DAB1: variants seen among roughly 807,000 people sequenced by gnomAD.
DAB1 encodes the protein DAB adaptor protein 1, also known as disabled homolog 1.
DAB1 carries 15 observed loss-of-function variants against 64.6 expected under a neutral mutation model. The ratio of observed to expected loss-of-function variants is 0.23; its 90% CI spans 0.16 to 0.36. The LOEUF is 0.36. Ranked by LOEUF, DAB1 falls within the 10% of genes least tolerant of loss-of-function variation. The pLI is 1.00. For synonymous variants in DAB1, 235 were observed against 251.9 expected, an observed-to-expected ratio of 0.93 and a Z score of 0.64; for missense variants, 596 against 706.7, an observed-to-expected ratio of 0.84 and a Z score of 1.78.
At chr1:58,347,271 C>T (rs1644010621) in intron 3 of DAB1, among the ~76,000 whole-genome samples, 1 of 152,158 alleles carries the variant, frequency 6.6e-6, no homozygotes, top group East Asian at 1.9e-4. Context: ...CCATGTCCGG[C>T]TAATTTTTTT....
chr1:58,251,610 AGAAG>A (rs1200424072), intron 4 of DAB1, among the ~76,000 whole-genome samples: 1 of 152,212 alleles, frequency 6.6e-6, no homozygotes, highest in Non-Finnish European at 1.5e-5. Context: ...TTTGAATAGC[AGAAG>A]GAAGGAAGTG....
In DAB1 at chr1:58,506,153, A is replaced by G. The variant is rs749524865; in HGVS notation, n.164T>C. 28 of 872,330 alleles carry G rather than the reference A, an allele frequency of 3.2e-5. 1 individual carries two copies. In the Admixed American group the frequency reaches 4.1e-4, roughly 13 times the overall value. 54.0% of individuals were successfully genotyped at this position (872,330 alleles called of 1,614,324 possible). On this transcript the variant is annotated non_coding_transcript_exon_variant, in exon 3 of 21. Transcript: ENST00000485760. ...GCATCTTGGGTTGGCCATGCAGGCT[A>G]TCAACGAACTCCATTTGCTGCCAAA...
chr1:57,129,637 A>C (rs553508), intron 4 of DAB1, among the ~76,000 whole-genome samples: 38,878 of 152,012 alleles, frequency 0.26, 6,942 homozygotes, highest in African/African-American at 0.51. Flanking sequence ...CAAGTCTAGG[A>C]TTTTGCAAAT....
chr1:58,317,220 C>T (rs1443668069), intron 4 of DAB1, among the ~76,000 whole-genome samples: 2 of 152,208 alleles, frequency 1.3e-5, no homozygotes, highest in African/African-American at 2.4e-5. Flanking sequence ...TCCACAATTC[C>T]ATGGGAGCTG....
At chr1:57,901,127 T>C (rs1644467326) in intron 5 of DAB1, among the ~76,000 whole-genome samples, 2 of 152,296 alleles carry the variant, frequency 1.3e-5, no homozygotes, top group Non-Finnish European at 2.9e-5. Flanking sequence ...AGCTGTTCAG[T>C]AGCAAGCCTG....
At chr1:57,644,396 C>A (rs1053921561) in intron 7 of DAB1, among the ~76,000 whole-genome samples, 1 of 152,188 alleles carries the variant, frequency 6.6e-6, no homozygotes, top group Non-Finnish European at 1.5e-5. Context: ...AAAAGGGAGT[C>A]ATAGAGGGAA....
chr1:58,373,621 C>G (rs540425227), intron 3 of DAB1, among the ~76,000 whole-genome samples: 1 of 151,934 alleles, frequency 6.6e-6, no homozygotes, highest in South Asian at 2.1e-4. Context: ...TGAATAATGC[C>G]GCAATAAACA....
intron 5 of DAB1, among the ~76,000 whole-genome samples, chr1:57,940,247 G>A (rs1202776): frequency 6.6e-6 from 1 of 151,920 alleles, no homozygotes; most frequent in East Asian, 1.9e-4. Context: ...CCATGATGCC[G>A]GCTGTATATT....
chr1:58,525,481 G>A (rs1646334960), intron 2 of DAB1, among the ~76,000 whole-genome samples: 2 of 151,962 alleles, frequency 1.3e-5, no homozygotes, highest in East Asian at 1.9e-4. Flanking sequence ...TATTTATCAT[G>A]ACATCAAACA....
intron 1 of DAB1, among the ~76,000 whole-genome samples, chr1:57,370,816 T>C (rs7540817): frequency 0.29 from 44,383 of 152,158 alleles, 6,785 homozygotes; most frequent in African/African-American, 0.33. Flanking sequence ...ATATTTTTTA[T>C]GGTCGTTTTA....
chr1:58,491,444 G>A (rs900012007), intron 3 of DAB1, among the ~76,000 whole-genome samples: 1 of 152,144 alleles, frequency 6.6e-6, no homozygotes, highest in Non-Finnish European at 1.5e-5. Flanking sequence ...TGGGCTAAAT[G>A]TTCCAATCAA....
rs76646909 is a variant in DAB1, at chr1:58,229,761, G to A, written n.310-79173C>T. The stretch of plus-strand genomic sequence containing the variant: ...AGCTTTTAATTTTACAGATGTGAAA[G>A]CTGAGCCTCCTGGAGAAGAGTAACT... On this transcript the variant is annotated intron_variant and non_coding_transcript_variant, in intron 4 of 20. Coordinates refer to the DAB1 transcript ENST00000485760. 8.6e-3 allele frequency among the ~76,000 whole-genome samples: 1,303 copies of A among 152,300 alleles called. 17 individuals carry two copies. Among genetic ancestry groups the A allele is most frequent in the African/African-American group, 0.029 (1,216 of 41,554 alleles).
At chr1:57,191,532 C>T (rs1454617737) in intron 2 of DAB1, among the ~76,000 whole-genome samples, 1 of 152,178 alleles carries the variant, frequency 6.6e-6, no homozygotes, top group Admixed American at 6.5e-5. Context: ...TTCTCCTCCT[C>T]TGTTGATGGC....
At chr1:57,480,448 T>C (rs537587823) in intron 7 of DAB1, among the ~76,000 whole-genome samples, 1 of 152,088 alleles carries the variant, frequency 6.6e-6, no homozygotes, top group Non-Finnish European at 1.5e-5. Context: ...AAGATTCTGA[T>C]ACCATTGGAT....
At chr1:58,177,465 G>A (rs1298154343) in intron 4 of DAB1, among the ~76,000 whole-genome samples, 2 of 152,288 alleles carry the variant, frequency 1.3e-5, no homozygotes, top group East Asian at 3.9e-4. Context: ...CTGTCTTAAT[G>A]TAGCTAAATA....
intron 5 of DAB1, among the ~76,000 whole-genome samples, chr1:57,905,756 G>A (rs756249433): frequency 5.9e-5 from 9 of 152,106 alleles, no homozygotes; most frequent in Non-Finnish European, 1.0e-4. Flanking sequence ...CAGAGATTGA[G>A]AAGAAGAAGA....
At chr1:58,521,470 TAG>T (rs1452686846) in intron 2 of DAB1, among the ~76,000 whole-genome samples, 1 of 150,954 alleles carries the variant, frequency 6.6e-6, no homozygotes, top group Admixed American at 6.6e-5. Context: ...AATTATATAA[TAG>T]AGACAATAAG....
chr1:58,178,520 G>A (rs1260140907), intron 4 of DAB1, among the ~76,000 whole-genome samples: 1 of 152,124 alleles, frequency 6.6e-6, no homozygotes, highest in Non-Finnish European at 1.5e-5. Flanking sequence ...TTATAAAGAA[G>A]AACTGAGATA....
Position 57,613,252 on chromosome 1 carries a change from A to G in DAB1, n.625+36340T>C, listed in dbSNP as rs376466318. Among the ~76,000 whole-genome samples, 3 of 152,352 alleles carry G rather than the reference A, an allele frequency of 2.0e-5. No individual in the cohort carries two copies. In the East Asian group the frequency reaches 5.8e-4, roughly 29 times the overall value. The stretch of plus-strand genomic sequence containing the variant: ...GTTGTGAATGAAAAGAAACTCAAAG[A>G]CATACACATTTTAAAATTCTCATTC... On this transcript the variant is annotated intron_variant and non_coding_transcript_variant, in intron 7 of 20. Coordinates refer to the DAB1 transcript ENST00000485760.
Sources: allele counts gnomAD v4.1 joint callset (sites outside exome capture counted in the v4.1 genomes callset), GRCh38; gene constraint gnomAD v4.1.1; transcripts MANE v1.5; gene names NCBI Gene and HGNC (gene_info 2026-07-23, HGNC 2026-07-21).